Variants in PTPRG observed in about 807,000 individuals in gnomAD.
PTPRG encodes the protein protein tyrosine phosphatase receptor type G.
In PTPRG, 102 loss-of-function variants were observed where a neutral mutation model predicts 165.3. That is an observed-to-expected ratio of 0.62 (90% CI 0.53 to 0.73). The LOEUF is 0.73. Among genes scored for constraint, PTPRG ranks in the 30% least tolerant of loss-of-function variants. The probability of loss-of-function intolerance (pLI) is 0.00; values close to 1 mark genes in which losing one functional copy is unlikely to be tolerated. For synonymous variants in PTPRG, 675 were observed against 669.5 expected (o/e 1.01, Z -0.13); for missense variants, 1,866 against 1,861.4 (o/e 1.00, Z -0.05).
rs1576159687 is a variant in PTPRG, at chr3:62,229,147, C to T, written c.2289-2078C>T. 1.3e-5 allele frequency among the ~76,000 whole-genome samples: 2 copies of T among 152,122 alleles called. No homozygotes were observed. The highest frequency in any genetic ancestry group is 4.8e-5 in the African/African-American group (2 of 41,474). On this transcript the variant is annotated intron_variant, in intron 13 of 29. Transcript: ENST00000474889. The surrounding 1 kb of genome is among the most constrained non-coding windows in gnomAD (Gnocchi z 4.6). ...AGAGGGTTTGAGTTTATGACGACAC[C>T]CTGGTGTTAAACTATCTTGCTCTGA...
intron 1 of PTPRG, among the ~76,000 whole-genome samples, chr3:61,710,188 G>T (rs1454107650): frequency 6.6e-6 from 1 of 152,112 alleles, no homozygotes; most frequent in Non-Finnish European, 1.5e-5. Flanking sequence ...TGATGGAAGT[G>T]GCTGTCTGAA....
At position 62,217,128 on chromosome 3, in the gene PTPRG, G is replaced by A. The variant is rs1040444846; in HGVS notation, c.2156-1723G>A. Among the ~76,000 whole-genome samples, 5 of 152,202 alleles carry A rather than the reference G, an allele frequency of 3.3e-5. No individual in the cohort carries two copies. The highest frequency in any genetic ancestry group is 6.5e-5 in the Admixed American group (1 of 15,282). On this transcript the variant is annotated intron_variant, in intron 12 of 29. Coordinates refer to ENST00000474889, the MANE Select transcript of PTPRG (RefSeq NM_002841.4). This position sits in a 1 kb window ranked among gnomAD's most constrained non-coding sequence, Gnocchi z 4.3. ...GTCCCCATCCCCTCGCACCAGGCCT[G>A]TGCACAGTAGGGGCTTGGTAAGAAT...
intron 5 of PTPRG, among the ~76,000 whole-genome samples, chr3:62,080,125 T>C (rs1701518219): frequency 6.7e-6 from 1 of 148,430 alleles, no homozygotes; most frequent in African/African-American, 2.5e-5. Flanking sequence ...TGGAGTGCAG[T>C]GGCACTATCT....
intron 2 of PTPRG, among the ~76,000 whole-genome samples, chr3:61,804,280 T>G (rs1456063109): frequency 6.6e-6 from 1 of 152,186 alleles, no homozygotes; most frequent in African/African-American, 2.4e-5. Context: ...AGAACTACCT[T>G]TGTTCTCTTA....
intron 2 of PTPRG, among the ~76,000 whole-genome samples, chr3:61,799,604 A>G (rs1178453610): frequency 6.6e-6 from 1 of 152,194 alleles, no homozygotes; most frequent in East Asian, 1.9e-4. Flanking sequence ...TGGGGCTTAT[A>G]GGTTTTGGGG....
chr3:61,677,412 A>G (rs1438891417), intron 1 of PTPRG, among the ~76,000 whole-genome samples: 2 of 152,244 alleles, frequency 1.3e-5, no homozygotes, highest in Admixed American at 6.5e-5. Context: ...AACGAGGCCT[A>G]GACAGTGAGA....
intron 2 of PTPRG, among the ~76,000 whole-genome samples, chr3:61,954,484 G>C (rs911438257): frequency 3.0e-4 from 46 of 152,166 alleles, no homozygotes; most frequent in African/African-American, 1.1e-3. Context: ...TTGATGTTCT[G>C]TATAGGGCTG....
At chr3:62,209,842 C>T (rs1700316032) in intron 12 of PTPRG, among the ~76,000 whole-genome samples, 1 of 152,142 alleles carries the variant, frequency 6.6e-6, no homozygotes, top group Non-Finnish European at 1.5e-5. Context: ...AACCAGACCC[C>T]ACTAAGAACA....
At position 61,880,523 on chromosome 3, in the gene PTPRG, C is replaced by T. The variant is rs150915548; in HGVS notation, c.191-109102C>T. Among the ~76,000 whole-genome samples the T allele has an allele frequency of 4.0e-5, 6 of 149,726 alleles. No homozygotes were observed. In the East Asian group the frequency reaches 1.2e-3, roughly 30 times the overall value. ...TGGTCCCAGCTACTTGTTGGGGGCGCTGAGGAAGGAGGATTGCTTGAGCTT... is the reference window on the plus strand; with the variant it reads ...TGGTCCCAGCTACTTGTTGGGGGCGTTGAGGAAGGAGGATTGCTTGAGCTT... On this transcript the variant is annotated intron_variant, in intron 2 of 29. Coordinates refer to ENST00000474889, the MANE Select transcript of PTPRG (RefSeq NM_002841.4).
rs1229346653 is a variant in PTPRG at position 61,747,630 on chromosome 3, G to C, written c.86-1248G>C. Among the ~76,000 whole-genome samples, 4 of 120,660 alleles carry C rather than the reference G, an allele frequency of 3.3e-5. No homozygotes were observed. The East Asian group carries it at 6.0e-4, about 18-fold the overall frequency. 79.2% of individuals were successfully genotyped at this position (120,660 alleles called of 152,430 possible). A position where few individuals can be genotyped will look rare whatever the true frequency, so the allele number is the denominator to read the frequency against. ...AAGTGTAAGCATAAAGTACTCTACA[G>C]GTTTCTTAATTTTTTTTAATGACTG... On this transcript the variant is annotated intron_variant, in intron 1 of 29. Transcript: ENST00000474889.
intron 6 of PTPRG, among the ~76,000 whole-genome samples, chr3:62,146,013 G>A (rs1356603619): frequency 3.3e-5 from 5 of 152,142 alleles, no homozygotes; most frequent in African/African-American, 1.2e-4. Context: ...AGCATCAAAA[G>A]GAAGCTAAAA....
chr3:62,235,561 T>C (rs1336344282), intron 14 of PTPRG, among the ~76,000 whole-genome samples: 2 of 152,200 alleles, frequency 1.3e-5, no homozygotes, highest in Non-Finnish European at 2.9e-5. Context: ...ACTTAATGCC[T>C]AGCTAAGAGA....
chr3:61,665,786 C>T (rs186288532), intron 1 of PTPRG, among the ~76,000 whole-genome samples: 105 of 152,198 alleles, frequency 6.9e-4, no homozygotes, highest in African/African-American at 2.4e-3. Context: ...TATGGTCATG[C>T]TACTGTACTC....
At chr3:62,154,153 G>T (rs907449170) in intron 6 of PTPRG, among the ~76,000 whole-genome samples, 1 of 152,166 alleles carries the variant, frequency 6.6e-6, no homozygotes, top group Non-Finnish European at 1.5e-5. Context: ...TAACTTATTT[G>T]AGTTGCTGGG....
intron 1 of PTPRG, among the ~76,000 whole-genome samples, chr3:61,648,753 C>T (rs1702272312): frequency 1.3e-5 from 2 of 152,200 alleles, no homozygotes; most frequent in African/African-American, 4.8e-5. Context: ...AGAATAATGG[C>T]ATGTTGCTTG....
chr3:61,889,375 A>G (rs1275325305), intron 2 of PTPRG, among the ~76,000 whole-genome samples: 1 of 152,172 alleles, frequency 6.6e-6, no homozygotes, highest in Non-Finnish European at 1.5e-5. Context: ...TGCTGTTCAA[A>G]TTGATTGTCC....
chr3:62,073,848 C>T (rs1449382465), intron 4 of PTPRG, among the ~76,000 whole-genome samples: 1 of 152,130 alleles, frequency 6.6e-6, no homozygotes, highest in African/African-American at 2.4e-5. Flanking sequence ...GAAAGAGGCT[C>T]AGTAACTGTT....
chr3:62,283,579 C>A (rs1374988954), intron 28 of PTPRG, among the ~76,000 whole-genome samples: 1 of 152,092 alleles, frequency 6.6e-6, no homozygotes, highest in Non-Finnish European at 1.5e-5. Context: ...AACCTTTAGC[C>A]AATATGGAAT....
chr3:61,787,552 G>A (rs1403938118), intron 2 of PTPRG, among the ~76,000 whole-genome samples: 3 of 152,186 alleles, frequency 2.0e-5, no homozygotes, highest in Admixed American at 6.5e-5. Context: ...TAAGTAATGC[G>A]GGACAGTACA....
Sources: allele counts gnomAD v4.1 joint callset (sites outside exome capture counted in the v4.1 genomes callset), GRCh38; gene constraint gnomAD v4.1.1; non-coding constraint Gnocchi (gnomAD v3.1); transcripts MANE v1.5; gene names NCBI Gene and HGNC (gene_info 2026-07-23, HGNC 2026-07-21).